Variants in WWP2 observed in about 807,000 individuals in gnomAD.
The protein encoded by WWP2 is NEDD4-like E3 ubiquitin-protein ligase WWP2.
Under a neutral mutation model 121.0 loss-of-function variants are expected in WWP2, and 57 were observed. That is an observed-to-expected ratio of 0.47 (90% CI 0.38 to 0.59). The LOEUF (loss-of-function observed/expected upper bound fraction) is 0.59, where lower values mean the gene tolerates loss of function less well. Ranked by LOEUF, WWP2 falls within the 20% of genes least tolerant of loss-of-function variation. The probability of loss-of-function intolerance (pLI) is 0.00; values close to 1 mark genes in which losing one functional copy is unlikely to be tolerated. For missense variants in WWP2, 962 were observed against 1,158.9 expected, an observed-to-expected ratio of 0.83 and a Z score of 2.47; for synonymous variants, 449 against 441.3, an observed-to-expected ratio of 1.02 and a Z score of -0.22.
Position 69,837,631 on chromosome 16 carries a change from T to C in WWP2, c.341-2495T>C, listed in dbSNP as rs568204821. 2.0e-5 allele frequency among the ~76,000 whole-genome samples: 3 copies of C among 152,136 alleles called. No individual in the cohort carries two copies. In the East Asian group the frequency reaches 5.8e-4, roughly 29 times the overall value. On this transcript the variant is annotated intron_variant, in intron 4 of 23. Transcript: ENST00000359154. Reference sequence around the variant, plus strand: ...TCCTCCACTCTCCTGTTGAACATTATCAGTCCTCCAGGAAGGAGGAAAAAA... The same window carrying C: ...TCCTCCACTCTCCTGTTGAACATTACCAGTCCTCCAGGAAGGAGGAAAAAA...
chr16:69,836,292 CTTT>C (rs66633306), intron 4 of WWP2, among the ~76,000 whole-genome samples: 5 of 145,814 alleles, frequency 3.4e-5, no homozygotes, highest in African/African-American at 2.5e-5. Flanking sequence ...ATCCTGCCTC[CTTT>C]TTTTTTTTTG....
chr16:69,820,596 G>A (rs2056574698), intron 4 of WWP2, among the ~76,000 whole-genome samples: 1 of 130,288 alleles, frequency 7.7e-6, no homozygotes. Context: ...GTATATTGTG[G>A]CCTTGAAAAA....
At chr16:69,783,420 C>T (rs1423608730) in intron 1 of WWP2, among the ~76,000 whole-genome samples, 1 of 152,068 alleles carries the variant, frequency 6.6e-6, no homozygotes, top group Non-Finnish European at 1.5e-5. Flanking sequence ...CCTGTATTTC[C>T]AGCTACTCAG....
At chr16:69,909,480 G>C (rs2058349127) in intron 9 of WWP2, 2 of 985,368 alleles carry the variant, frequency 2.0e-6, no homozygotes, top group South Asian at 4.7e-5. Context: ...TGGTTCAGCT[G>C]TCAGGCGTGT....
At chr16:69,835,466 TA>T (rs974532030) in intron 4 of WWP2, among the ~76,000 whole-genome samples, 1 of 152,174 alleles carries the variant, frequency 6.6e-6, no homozygotes, top group Non-Finnish European at 1.5e-5. Flanking sequence ...CTTGCCAATT[TA>T]AAAAAACCTT....
chr16:69,931,975 G>C, intron 16 of WWP2, 85 bp downstream of exon 16: 1 of 1,283,442 alleles, frequency 7.8e-7, no homozygotes, highest in South Asian at 1.3e-5. Context: ...CCTGCCCCCT[G>C]CTCACATTCC....
chr16:69,922,271 G>A (rs562065877), intron 10 of WWP2, among the ~76,000 whole-genome samples: 9 of 151,554 alleles, frequency 5.9e-5, no homozygotes, highest in East Asian at 3.9e-4. Flanking sequence ...AAATGCCTGC[G>A]TTCCACGCTG....
intron 4 of WWP2, among the ~76,000 whole-genome samples, chr16:69,834,170 C>T (rs1287531898): frequency 3.3e-5 from 5 of 152,220 alleles, no homozygotes; most frequent in Non-Finnish European, 2.9e-5. Flanking sequence ...AGGACCTTGT[C>T]CCAAGGCCTG....
Position 69,925,629 on chromosome 16 carries a change from C to A in WWP2, c.1234+145C>A. The A allele has an allele frequency of 8.7e-7, 1 of 1,146,296 alleles. No homozygotes were observed. Among genetic ancestry groups the A allele is most frequent in the Non-Finnish European group, 1.2e-6 (1 of 831,076 alleles). 71.0% of individuals were successfully genotyped at this position (1,146,296 alleles called of 1,614,324 possible). On this transcript the variant is annotated intron_variant, in intron 11 of 23. Coordinates refer to ENST00000359154, the MANE Select transcript of WWP2 (RefSeq NM_001270454.2). The surrounding 1 kb of genome is among the most constrained non-coding windows in gnomAD (Gnocchi z 4.0). ...CAGCACACTCTCTGGGCATGCCCCA[C>A]CAGAGCAATTACAGGTGATGGAGCT...
At chr16:69,922,489 T>C (rs1259548985) in intron 10 of WWP2, among the ~76,000 whole-genome samples, 1 of 152,182 alleles carries the variant, frequency 6.6e-6, no homozygotes, top group Non-Finnish European at 1.5e-5. Flanking sequence ...TCCACAGTGT[T>C]CTTTTCTGTT....
chr16:69,925,219 CA>C lies in WWP2; in HGVS notation c.1180-210del, dbSNP rs2058622496. On this transcript the variant is annotated intron_variant, in intron 10 of 23. Transcript: ENST00000359154. The surrounding 1 kb of genome is among the most constrained non-coding windows in gnomAD (Gnocchi z 4.0). ...AAAACTCACTTGGGCCCTCCGTGCGCAGGGTTCTTTTTTGGTTTTTCTGTAA... is the reference window on the plus strand; with the variant it reads ...AAAACTCACTTGGGCCCTCCGTGCGCGGGTTCTTTTTTGGTTTTTCTGTAA... 6 of 1,425,904 alleles carry C rather than the reference CA, an allele frequency of 4.2e-6. No individual in the cohort carries two copies. The South Asian group carries it at 8.1e-5, about 19-fold the overall frequency. The allele number at this position is 1,425,904 out of a possible 1,614,324, so 88.3% of individuals were successfully genotyped here.
In WWP2 at chr16:69,904,990, A is replaced by G. The variant is rs140228605; in HGVS notation, c.915-3771A>G. On this transcript the variant is annotated intron_variant, in intron 8 of 23. Transcript: ENST00000359154. ...ACCAACCAAAACCCAAATTAGGAGT[A>G]TATGTTTTTTGTAACAAATAGCTGG... Among the ~76,000 whole-genome samples the G allele has an allele frequency of 4.5e-3, 688 of 152,358 alleles. 11 individuals carry two copies. The highest frequency in any genetic ancestry group is 0.016 in the African/African-American group (647 of 41,592).
At chr16:69,863,066 A>G (rs1418476511) in intron 6 of WWP2, among the ~76,000 whole-genome samples, 1 of 152,098 alleles carries the variant, frequency 6.6e-6, no homozygotes, top group Non-Finnish European at 1.5e-5. Context: ...ATATGTCCCT[A>G]GTCTTTATAG....
At chr16:69,842,157 G>A (rs577239674) in intron 6 of WWP2, 37 bp downstream of exon 6, 195 of 1,590,234 alleles carry the variant, frequency 1.2e-4, no homozygotes, top group Non-Finnish European at 1.6e-4. Flanking sequence ...GAGCTAAGAA[G>A]TTGCTTAGAG....
intron 4 of WWP2, among the ~76,000 whole-genome samples, chr16:69,807,303 G>T (rs146880494): frequency 1.7e-3 from 256 of 152,150 alleles, no homozygotes; most frequent in Middle Eastern, 0.01. Context: ...CCATACTGCC[G>T]GGATTACAGG....
intron 5 of WWP2, among the ~76,000 whole-genome samples, 157 bp downstream of exon 5, chr16:69,840,420 T>C (rs1243714902): frequency 6.6e-6 from 1 of 152,234 alleles, no homozygotes; most frequent in Non-Finnish European, 1.5e-5. Flanking sequence ...GCTCCGTGGA[T>C]CAGTATCACA....
At chr16:69,794,261 A>G (rs1051875243) in intron 2 of WWP2, among the ~76,000 whole-genome samples, 1 of 151,868 alleles carries the variant, frequency 6.6e-6, no homozygotes, top group Non-Finnish European at 1.5e-5. Context: ...GTGGTGGCTC[A>G]TGCCTGTAAT....
chr16:69,931,247 C>T lies in WWP2; in HGVS notation c.1521+20C>T, dbSNP rs371625703. 3.1e-6 allele frequency: 5 copies of T among 1,613,600 alleles called. No individual in the cohort carries two copies. Among genetic ancestry groups the T allele is most frequent in the Non-Finnish European group, 4.2e-6 (5 of 1,179,814 alleles). On this transcript the variant is annotated intron_variant, in intron 14 of 23. Transcript: ENST00000359154. ...TGCCATGTGAGTTCTGGTACTGGGGCTCCCGTGGCAGTTGGGGTTATTGAG... is the reference window on the plus strand; with the variant it reads ...TGCCATGTGAGTTCTGGTACTGGGGTTCCCGTGGCAGTTGGGGTTATTGAG...
intron 5 of WWP2, among the ~76,000 whole-genome samples, chr16:69,841,100 G>T (rs1196829198): frequency 6.6e-6 from 1 of 152,180 alleles, no homozygotes. Context: ...TTGTATTCTG[G>T]TATGCACTAG....
Sources: allele counts gnomAD v4.1 joint callset (sites outside exome capture counted in the v4.1 genomes callset), GRCh38; gene constraint gnomAD v4.1.1; non-coding constraint Gnocchi (gnomAD v3.1); transcripts MANE v1.5; gene names NCBI Gene and HGNC (gene_info 2026-07-23, HGNC 2026-07-21).